SAMD4A: variants seen among roughly 807,000 people sequenced by gnomAD.
The protein encoded by SAMD4A is protein Smaug homolog 1.
A neutral mutation model predicts 81.3 loss-of-function variants in SAMD4A; 33 were observed. The ratio of observed to expected loss-of-function variants is 0.41; its 90% confidence interval spans 0.31 to 0.54. The LOEUF (loss-of-function observed/expected upper bound fraction) is 0.54. SAMD4A is among the 20% of genes least tolerant of loss of function. The probability of loss-of-function intolerance (pLI) is 0.37; values close to 1 mark genes in which losing one functional copy is unlikely to be tolerated. For synonymous variants in SAMD4A, 389 were observed against 382.1 expected (o/e 1.02, Z -0.21); for missense variants, 854 against 951.1 (o/e 0.90, Z 1.34).
At chr14:54,682,332 C>G (rs1215784059) in intron 2 of SAMD4A, among the ~76,000 whole-genome samples, 2 of 152,188 alleles carry the variant, frequency 1.3e-5, no homozygotes, top group Admixed American at 6.5e-5. Context: ...TTTCTATCTT[C>G]CCTGAGCCAT....
In SAMD4A at chr14:54,588,100, T is replaced by C. The variant is rs1300980270; in HGVS notation, c.196+19988T>C. On this transcript the variant is annotated intron_variant, in intron 2 of 12. Transcript: ENST00000554335. Reference sequence around the variant, plus strand: ...TCTGTTCAGAGATTCTGTGTCTTCCTGGTTTAATCTAGGAGGGTTGTATGT... The same window carrying C: ...TCTGTTCAGAGATTCTGTGTCTTCCCGGTTTAATCTAGGAGGGTTGTATGT... Among the ~76,000 whole-genome samples the C allele has an allele frequency of 2.6e-5, 4 of 152,206 alleles. No homozygotes were observed. In the East Asian group the frequency reaches 7.7e-4, roughly 29 times the overall value.
intron 2 of SAMD4A, among the ~76,000 whole-genome samples, chr14:54,666,656 C>A (rs2035765323): frequency 6.6e-6 from 1 of 152,102 alleles, no homozygotes; most frequent in South Asian, 2.1e-4. Context: ...TGTATTAGCT[C>A]CCATTCTGAG....
intron 3 of SAMD4A, among the ~76,000 whole-genome samples, chr14:54,719,962 C>T (rs1467767700): frequency 6.6e-6 from 1 of 152,066 alleles, no homozygotes; most frequent in Non-Finnish European, 1.5e-5. Context: ...AAAATAATTT[C>T]CTCTCATTAA....
At chr14:54,599,498 A>T (rs564843968) in intron 2 of SAMD4A, among the ~76,000 whole-genome samples, 3 of 152,248 alleles carry the variant, frequency 2.0e-5, no homozygotes, top group Non-Finnish European at 4.4e-5. Context: ...AAAAAATATT[A>T]TACTGCTTCA....
chr14:54,713,665 A>G (rs1411526954), intron 3 of SAMD4A, among the ~76,000 whole-genome samples: 1 of 152,224 alleles, frequency 6.6e-6, no homozygotes, highest in Non-Finnish European at 1.5e-5. Context: ...TCCTTTTGGA[A>G]AAGCCCAGCA....
At chr14:54,668,073 G>T (rs2035794112) in intron 2 of SAMD4A, among the ~76,000 whole-genome samples, 1 of 152,198 alleles carries the variant, frequency 6.6e-6, no homozygotes, top group African/African-American at 2.4e-5. Flanking sequence ...CTCAAAAACT[G>T]CCCATTGTTT....
chr14:54,710,242 CTGA>C (rs111355308), intron 3 of SAMD4A, among the ~76,000 whole-genome samples: 7 of 152,004 alleles, frequency 4.6e-5, no homozygotes, highest in African/African-American at 1.2e-4. Context: ...TGATTTTTTT[CTGA>C]TGATAAAAAT....
Position 54,694,477 on chromosome 14 carries a change from G to A in SAMD4A, c.197-7585G>A, listed in dbSNP as rs533167768. 8 of 234,518 alleles carry A rather than the reference G, an allele frequency of 3.4e-5. No individual in the cohort carries two copies. In the South Asian group the frequency reaches 1.1e-3, roughly 33 times the overall value. The allele number at this position is 234,518 out of a possible 1,614,324, so 14.5% of individuals were successfully genotyped here. A position where few individuals can be genotyped will look rare whatever the true frequency, so the allele number is the denominator to read the frequency against. On this transcript the variant is annotated intron_variant, in intron 2 of 12. Coordinates refer to ENST00000554335, the MANE Select transcript of SAMD4A (RefSeq NM_015589.6). ...AGAGGAGCAAAGAAGCAGATGTGGT[G>A]AGAGTGAGAGCAAGAGTTGGGTTGT...
chr14:54,762,643 GC>G (rs2038431323), intron 7 of SAMD4A, among the ~76,000 whole-genome samples: 1 of 152,146 alleles, frequency 6.6e-6, no homozygotes, highest in African/African-American at 2.4e-5. Flanking sequence ...CAGTGCTATG[GC>G]CCTGCTTCTT....
intron 2 of SAMD4A, among the ~76,000 whole-genome samples, chr14:54,630,210 G>C (rs1355552990): frequency 1.3e-5 from 2 of 152,112 alleles, no homozygotes; most frequent in Non-Finnish European, 2.9e-5. Flanking sequence ...GGAATTGCTG[G>C]ATCATATGGT....
chr14:54,673,369 A>G (rs911989458), intron 2 of SAMD4A, among the ~76,000 whole-genome samples: 2 of 152,240 alleles, frequency 1.3e-5, no homozygotes, highest in Non-Finnish European at 2.9e-5. Context: ...CCTTGCACCA[A>G]AAGTCATCCT....
intron 3 of SAMD4A, among the ~76,000 whole-genome samples, chr14:54,724,516 CTGATGATAT>C (rs1361882089): frequency 6.6e-6 from 1 of 152,184 alleles, no homozygotes; most frequent in Non-Finnish European, 1.5e-5. Flanking sequence ...CAAATGGTAG[CTGATGATAT>C]TGTGTGCACT....
chr14:54,727,441 G>A (rs200256555), intron 3 of SAMD4A, among the ~76,000 whole-genome samples: 7 of 151,976 alleles, frequency 4.6e-5, no homozygotes, highest in South Asian at 2.1e-4. Flanking sequence ...CACCCGCCTC[G>A]GCCTCCCAAA....
chr14:54,628,570 G>A (rs757852443), intron 2 of SAMD4A, among the ~76,000 whole-genome samples: 1 of 152,100 alleles, frequency 6.6e-6, no homozygotes. Context: ...TGCTTCCTAG[G>A]GGAGTCTTTG....
intron 2 of SAMD4A, among the ~76,000 whole-genome samples, chr14:54,591,013 A>G (rs963510865): frequency 1.3e-5 from 2 of 152,166 alleles, no homozygotes; most frequent in Admixed American, 1.3e-4. Context: ...GCAGCTTGTC[A>G]CTCAAGCCTT....
At position 54,775,008 on chromosome 14, in the gene SAMD4A, G is replaced by A. The variant is rs762327610; in HGVS notation, c.1790G>A (p.Arg597His). ...VGGGMGRRNPRQYQIPSRNVP... is the reference protein window; with the variant it reads ...VGGGMGRRNPHQYQIPSRNVP... ...GGTGGCATGGGCAGACGGAACCCGC[G>A]CCAGTACCAGATCCCCTCTCGGAAC... Residue 597 changes from arginine (R) to histidine (H), a missense_variant, in exon 10 of 13, where the codon CGC becomes CAC. Coordinates refer to ENST00000554335, the MANE Select transcript of SAMD4A (RefSeq NM_015589.6). The A allele has an allele frequency of 2.8e-5, 46 of 1,614,046 alleles. No individual in the cohort carries two copies. Among genetic ancestry groups the A allele is most frequent in the Non-Finnish European group, 3.6e-5 (43 of 1,180,042 alleles).
intron 11 of SAMD4A, among the ~76,000 whole-genome samples, chr14:54,779,014 C>T (rs2038932436): frequency 6.6e-6 from 1 of 152,158 alleles, no homozygotes; most frequent in South Asian, 2.1e-4. Flanking sequence ...GCCTCCTACC[C>T]AGGGACGACA....
At chr14:54,622,249 A>G (rs1174329201) in intron 2 of SAMD4A, among the ~76,000 whole-genome samples, 1 of 152,220 alleles carries the variant, frequency 6.6e-6, no homozygotes, top group Admixed American at 6.5e-5. Flanking sequence ...ACTGGAAAGC[A>G]GTGGTTATAA....
intron 2 of SAMD4A, among the ~76,000 whole-genome samples, chr14:54,604,507 G>C (rs544897608): frequency 1.4e-3 from 215 of 152,266 alleles, no homozygotes; most frequent in African/African-American, 4.9e-3. Flanking sequence ...AAAACTTACA[G>C]CCCTGAATAA....
Sources: allele counts gnomAD v4.1 joint callset (sites outside exome capture counted in the v4.1 genomes callset), GRCh38; gene constraint gnomAD v4.1.1; transcripts MANE v1.5; gene names NCBI Gene and HGNC (gene_info 2026-07-23, HGNC 2026-07-21).